Variants in MAT2A observed in about 807,000 individuals in gnomAD.
MAT2A encodes S-adenosylmethionine synthase isoform type-2.
Under a neutral mutation model 43.9 loss-of-function variants are expected in MAT2A, and 3 were observed. The observed-to-expected ratio is 0.07, with a 90% confidence interval of 0.03 to 0.18. The LOEUF (loss-of-function observed/expected upper bound fraction) is 0.18. MAT2A is among the 10% of genes least tolerant of loss of function. The probability of loss-of-function intolerance (pLI) is 1.00; values close to 1 mark genes in which losing one functional copy is unlikely to be tolerated. For missense variants in MAT2A, 204 were observed against 489.0 expected (o/e 0.42, Z 5.50); for synonymous variants, 200 against 168.4 (o/e 1.19, Z -1.45).
chr2:85,540,907 A>G (rs567422803), intron 1 of MAT2A, among the ~76,000 whole-genome samples, 176 bp from the exon 2 acceptor site: 1 of 152,238 alleles, frequency 6.6e-6, no homozygotes, highest in Non-Finnish European at 1.5e-5. Flanking sequence ...TTAGATTTAT[A>G]ATGCAAACTT....
At position 85,544,921 on chromosome 2, in the gene MAT2A, A is replaced by G. The variant is rs1691582602; in HGVS notation, c.*1149A>G. The G allele has an allele frequency of 6.6e-6, 1 of 152,536 alleles. No homozygotes were observed. 9.4% of individuals were successfully genotyped at this position (152,536 alleles called of 1,614,324 possible). On this transcript the variant is annotated 3_prime_UTR_variant, in exon 9 of 9. Transcript: ENST00000306434. ...AAGTACAGAGAAGCCATCACCTCAG[A>G]TGGCAGCTTTTAAAAGATTTTTTTT...
At chr2:85,543,131 T>A in intron 8 of MAT2A, 97 bp downstream of exon 8, 2 of 1,277,256 alleles carry the variant, frequency 1.6e-6, no homozygotes, top group African/African-American at 1.5e-5. Flanking sequence ...GAAGGAAGAC[T>A]CCTCAAATGG....
chr2:85,539,179 G>C lies in MAT2A; in HGVS notation c.-109G>C. On this transcript the variant is annotated 5_prime_UTR_variant, in exon 1 of 9. Coordinates refer to ENST00000306434, the MANE Select transcript of MAT2A (RefSeq NM_005911.6). ...CCGCCCGCTGCTTCGTTCGCTCCGCGCCGCCCGCCTGCTACGAGTAGAACG... is the reference window on the plus strand; with the variant it reads ...CCGCCCGCTGCTTCGTTCGCTCCGCCCCGCCCGCCTGCTACGAGTAGAACG... The C allele has an allele frequency of 3.8e-6, 3 of 788,214 alleles. No homozygotes were observed. Among genetic ancestry groups the C allele is most frequent in the Non-Finnish European group, 6.1e-6 (3 of 489,140 alleles). The allele number at this position is 788,214 out of a possible 1,614,324, so 48.8% of individuals were successfully genotyped here.
At position 85,542,823 on chromosome 2, in the gene MAT2A, C is replaced by G. The variant is rs868778641; in HGVS notation, c.951+76C>G. On this transcript the variant is annotated intron_variant, in intron 7 of 8. Transcript: ENST00000306434. ...TATTTAGTAGTAATCTACTTAACTACTTGTTTTATACCAACGTATTATACA... is the reference window on the plus strand; with the variant it reads ...TATTTAGTAGTAATCTACTTAACTAGTTGTTTTATACCAACGTATTATACA... 5.1e-6 allele frequency: 8 copies of G among 1,562,184 alleles called. No individual in the cohort carries two copies. In the African/African-American group the frequency reaches 8.2e-5, roughly 16 times the overall value.
In MAT2A at chr2:85,541,035, A is replaced by C. The variant is rs770497239; in HGVS notation, c.92-48A>C. On this transcript the variant is annotated intron_variant, in intron 1 of 8. Coordinates refer to ENST00000306434, the MANE Select transcript of MAT2A (RefSeq NM_005911.6). ...AGGGAGCTTGCATACATACATACAT[A>C]CTTTGTTTAAAGTTAAAGAAACTGA... 2.0e-5 allele frequency: 27 copies of C among 1,348,560 alleles called. No individual in the cohort carries two copies. The Admixed American group carries it at 2.7e-4, about 14-fold the overall frequency. The allele number at this position is 1,348,560 out of a possible 1,614,324, so 83.5% of individuals were successfully genotyped here.
Position 85,539,168 on chromosome 2 carries a change from G to A in MAT2A, c.-120G>A, listed in dbSNP as rs143344527. The stretch of plus-strand genomic sequence containing the variant: ...ACCGGGCCGCACCGCCCGCTGCTTC[G>A]TTCGCTCCGCGCCGCCCGCCTGCTA... On this transcript the variant is annotated 5_prime_UTR_variant, in exon 1 of 9. Coordinates refer to ENST00000306434, the MANE Select transcript of MAT2A (RefSeq NM_005911.6). 4.1e-6 allele frequency: 3 copies of A among 735,466 alleles called. No individual in the cohort carries two copies. Among genetic ancestry groups the A allele is most frequent in the Admixed American group, 2.6e-5 (1 of 38,352 alleles). The allele number at this position is 735,466 out of a possible 1,614,324, so 45.6% of individuals were successfully genotyped here. A position where few individuals can be genotyped will look rare whatever the true frequency, so the allele number is the denominator to read the frequency against.
chr2:85,539,302 C>T lies in MAT2A; in HGVS notation c.15C>T (p.Leu5=). The T allele has an allele frequency of 2.5e-6, 4 of 1,605,470 alleles. No homozygotes were observed. The South Asian group carries it at 3.3e-5, about 13-fold the overall frequency. MNGQ[L]NGFHEAFIEE... ...CCGACACCAACATGAACGGACAGCT[C>T]AACGGCTTCCACGAGGCGTTCATCG... Residue 5 remains leucine, a synonymous_variant, in exon 1 of 9, where the codon CTC becomes CTT. Coordinates refer to ENST00000306434, the MANE Select transcript of MAT2A (RefSeq NM_005911.6).
rs1488644416 is a variant in MAT2A at position 85,541,762 on chromosome 2, G to A, written c.405+17G>A. 2 of 1,613,418 alleles carry A rather than the reference G, an allele frequency of 1.2e-6. No homozygotes were observed. The highest frequency in any genetic ancestry group is 1.7e-6 in the Non-Finnish European group (2 of 1,179,374). On this transcript the variant is annotated intron_variant, in intron 4 of 8. Coordinates refer to ENST00000306434, the MANE Select transcript of MAT2A (RefSeq NM_005911.6). ...GGAGACCAGGTATCTTGGTGTAGAG[G>A]CTGTTTTAATCTCTTCTAACATTAA...
At chr2:85,539,620 C>T (rs944051723) in intron 1 of MAT2A, 21 of 387,562 alleles carry the variant, frequency 5.4e-5, no homozygotes, top group Non-Finnish European at 6.5e-5. Context: ...GGTCGCGCGC[C>T]TAGGCATGCG....
intron 3 of MAT2A, 56 bp downstream of exon 3, chr2:85,541,433 GA>G: frequency 2.5e-6 from 4 of 1,582,774 alleles, no homozygotes; most frequent in Non-Finnish European, 3.4e-6. Context: ...GAGGTTTGAA[GA>G]AACTCCTAGA....
intron 3 of MAT2A, 26 bp from the exon 4 acceptor site, chr2:85,541,607 C>T: frequency 1.9e-6 from 3 of 1,538,468 alleles, no homozygotes; most frequent in Admixed American, 3.8e-5. Flanking sequence ...AGGACGTAAA[C>T]AAGATGTTGT....
Position 85,544,012 on chromosome 2 carries a change from C to T in MAT2A, c.*240C>T. ...ATGAATTTAGTGAGCATAGGTGATCCATGTAACTGCCTAGAAACAACACTG... is the reference window on the plus strand; with the variant it reads ...ATGAATTTAGTGAGCATAGGTGATCTATGTAACTGCCTAGAAACAACACTG... On this transcript the variant is annotated 3_prime_UTR_variant, in exon 9 of 9. Coordinates refer to ENST00000306434, the MANE Select transcript of MAT2A (RefSeq NM_005911.6). 1 of 363,414 alleles carries T rather than the reference C, an allele frequency of 2.8e-6. No individual in the cohort carries two copies. The highest frequency in any genetic ancestry group is 5.0e-6 in the Non-Finnish European group (1 of 198,650). 22.5% of individuals were successfully genotyped at this position (363,414 alleles called of 1,614,324 possible).
rs1312137527 is a variant in MAT2A, at chr2:85,541,240, G to A, written c.170-15G>A. ...TATAGAAGTGATGTTTGAGTTGAATGTCTCTTTTTATTAGAAACTGTTGCT... is the reference window on the plus strand; with the variant it reads ...TATAGAAGTGATGTTTGAGTTGAATATCTCTTTTTATTAGAAACTGTTGCT... On this transcript the variant is annotated splice_polypyrimidine_tract_variant and intron_variant, in intron 2 of 8. Transcript: ENST00000306434. 1 of 1,613,484 alleles carries A rather than the reference G, an allele frequency of 6.2e-7. No individual in the cohort carries two copies. The highest frequency in any genetic ancestry group is 8.5e-7 in the Non-Finnish European group (1 of 1,179,728).
rs1188379943 is a variant in MAT2A at position 85,544,599 on chromosome 2, TAC to T, written c.*829_*830del. 2.0e-5 allele frequency: 3 copies of T among 152,646 alleles called. No homozygotes were observed. Among genetic ancestry groups the T allele is most frequent in the East Asian group, 1.9e-4 (1 of 5,202 alleles). 9.5% of individuals were successfully genotyped at this position (152,646 alleles called of 1,614,324 possible). ...GGCACTTGGCAGCCTTGTGATGTCA[TAC>T]AGAGAAGTCACAGGGCAGTACCTGA... On this transcript the variant is annotated 3_prime_UTR_variant, in exon 9 of 9. Transcript: ENST00000306434.
At position 85,539,187 on chromosome 2, in the gene MAT2A, C is replaced by T. The variant is rs1276576150; in HGVS notation, c.-101C>T. 4.8e-6 allele frequency: 4 copies of T among 841,736 alleles called. No individual in the cohort carries two copies. Among genetic ancestry groups the T allele is most frequent in the African/African-American group, 1.8e-5 (1 of 56,572 alleles). 52.1% of individuals were successfully genotyped at this position (841,736 alleles called of 1,614,324 possible). On this transcript the variant is annotated 5_prime_UTR_variant, in exon 1 of 9. Transcript: ENST00000306434. ...TGCTTCGTTCGCTCCGCGCCGCCCGCCTGCTACGAGTAGAACGCTGTCCGC... is the reference window on the plus strand; with the variant it reads ...TGCTTCGTTCGCTCCGCGCCGCCCGTCTGCTACGAGTAGAACGCTGTCCGC...
intron 1 of MAT2A, among the ~76,000 whole-genome samples, chr2:85,540,187 G>A (rs1691435287): frequency 6.6e-6 from 1 of 152,244 alleles, no homozygotes; most frequent in African/African-American, 2.4e-5. Flanking sequence ...CAATTGGCAC[G>A]TGAAGGAGGA....
intron 4 of MAT2A, 39 bp from the exon 5 acceptor site, chr2:85,541,790 T>C (rs757047225): frequency 1.2e-6 from 2 of 1,613,864 alleles, no homozygotes; most frequent in South Asian, 2.2e-5. Flanking sequence ...AACATTAAAT[T>C]CTGGAGCTTG....
chr2:85,539,445 C>A, intron 1 of MAT2A, 67 bp downstream of exon 1: 1 of 1,319,640 alleles, frequency 7.6e-7, no homozygotes, highest in Non-Finnish European at 1.0e-6. Flanking sequence ...CGGCTGGCTG[C>A]GGCCGGCCGG....
At chr2:85,540,975 T>A in intron 1 of MAT2A, 108 bp from the exon 2 acceptor site, 2 of 729,552 alleles carry the variant, frequency 2.7e-6, no homozygotes, top group Non-Finnish European at 4.7e-6. Flanking sequence ...GCATGTTTTT[T>A]AAAATCTCCA....
Sources: allele counts gnomAD v4.1 joint callset (sites outside exome capture counted in the v4.1 genomes callset), GRCh38; gene constraint gnomAD v4.1.1; transcripts MANE v1.5; gene names NCBI Gene and HGNC (gene_info 2026-07-23, HGNC 2026-07-21).